Variants in CLASP1 observed in about 807,000 individuals in gnomAD.
The protein encoded by CLASP1 is cytoplasmic linker associated protein 1, also known as CLIP-associating protein 1.
CLASP1 carries 38 observed loss-of-function variants against 192.3 expected under a neutral mutation model. The observed-to-expected ratio is 0.20, with a 90% confidence interval of 0.15 to 0.26. The LOEUF is 0.26. Among genes scored for constraint, CLASP1 ranks in the 10% least tolerant of loss-of-function variants. CLASP1 has a pLI of 1.00. For synonymous variants in CLASP1, 691 were observed against 712.8 expected (o/e 0.97, Z 0.49); for missense variants, 1,433 against 1,932.5 (o/e 0.74, Z 4.85).
chr2:121,355,267 C>T (rs1399148995), intron 37 of CLASP1, among the ~76,000 whole-genome samples: 1 of 152,166 alleles, frequency 6.6e-6, no homozygotes, highest in Non-Finnish European at 1.5e-5. Context: ...GCTGGGACTA[C>T]AGGCGCACAC....
chr2:121,562,050 G>A (rs1346435324), intron 2 of CLASP1, among the ~76,000 whole-genome samples: 2 of 152,250 alleles, frequency 1.3e-5, no homozygotes, highest in African/African-American at 4.8e-5. Flanking sequence ...GAGATGAAAT[G>A]TTTTACTTCT....
chr2:121,387,413 T>C lies in CLASP1; in HGVS notation c.3268-185A>G, dbSNP rs538037315. The stretch of plus-strand genomic sequence containing the variant: ...ATAAACCAAAAATGAATAATCATCA[T>C]ACAAGCACTCCTGGAGTCAAATGAT... On this transcript the variant is annotated intron_variant, in intron 31 of 39. Transcript: ENST00000263710. Among the ~76,000 whole-genome samples, 7 of 152,188 alleles carry C rather than the reference T, an allele frequency of 4.6e-5. No individual in the cohort carries two copies. The East Asian group carries it at 7.7e-4, about 17-fold the overall frequency.
At chr2:121,572,737 A>AAT (rs1433913670) in intron 2 of CLASP1, among the ~76,000 whole-genome samples, 1 of 149,646 alleles carries the variant, frequency 6.7e-6, no homozygotes, top group Non-Finnish European at 1.5e-5. Flanking sequence ...TTCTACCAAA[A>AAT]ATATATATAT....
chr2:121,467,723 A>T (rs2089929357), intron 9 of CLASP1, among the ~76,000 whole-genome samples: 1 of 151,994 alleles, frequency 6.6e-6, no homozygotes, highest in South Asian at 2.1e-4. Context: ...AGATTGCAAA[A>T]TTTTTCTCCC....
At chr2:121,385,979 C>A (rs2073096046) in intron 32 of CLASP1, among the ~76,000 whole-genome samples, 1 of 152,108 alleles carries the variant, frequency 6.6e-6, no homozygotes, top group South Asian at 2.1e-4. Flanking sequence ...GAATATAGTG[C>A]AGAGGGAAAC....
At chr2:121,431,718 C>G (rs189110759) in intron 19 of CLASP1, among the ~76,000 whole-genome samples, 82 of 151,796 alleles carry the variant, frequency 5.4e-4, no homozygotes, top group Admixed American at 4.9e-3. Context: ...GTAACATGAT[C>G]CTAAACCCAG....
intron 1 of CLASP1, among the ~76,000 whole-genome samples, chr2:121,624,831 A>G (rs2068021868): frequency 6.6e-6 from 1 of 152,204 alleles, no homozygotes; most frequent in African/African-American, 2.4e-5. Flanking sequence ...GTACATTCAC[A>G]TTGTTTGCAA....
In CLASP1 at chr2:121,411,991, T is replaced by C. The variant is rs548740486; in HGVS notation, c.2321-1022A>G. On this transcript the variant is annotated intron_variant, in intron 23 of 39. Transcript: ENST00000263710. ...TTCGTTTGGACAACGAAAATCTCTA[T>C]GTTAGCTATATTCTGGAAGCATCTA... is the stretch of plus-strand genomic sequence containing the variant. 1.6e-4 allele frequency among the ~76,000 whole-genome samples: 25 copies of C among 152,330 alleles called. No homozygotes were observed. The East Asian group carries it at 4.2e-3, about 26-fold the overall frequency.
intron 2 of CLASP1, chr2:121,530,798 T>C: frequency 3.3e-6 from 2 of 607,250 alleles, no homozygotes; most frequent in Non-Finnish European, 6.0e-6. Context: ...CCAGACCGAC[T>C]AGGGCGAGGC....
intron 8 of CLASP1, among the ~76,000 whole-genome samples, chr2:121,489,775 A>G (rs1048757292): frequency 6.6e-6 from 1 of 152,198 alleles, no homozygotes; most frequent in Non-Finnish European, 1.5e-5. Context: ...TAAAAATGCA[A>G]ATCTTTTAAA....
At chr2:121,559,345 G>T (rs1357596978) in intron 2 of CLASP1, among the ~76,000 whole-genome samples, 1 of 151,918 alleles carries the variant, frequency 6.6e-6, no homozygotes. Context: ...TCAGCTCCTA[G>T]GTATATACCC....
chr2:121,555,024 G>C (rs2058411661), intron 2 of CLASP1, among the ~76,000 whole-genome samples: 1 of 152,198 alleles, frequency 6.6e-6, no homozygotes, highest in Admixed American at 6.5e-5. Context: ...ATCGGCTGTT[G>C]TGGAAGAAAG....
At chr2:121,481,855 C>A (rs563259796) in intron 8 of CLASP1, among the ~76,000 whole-genome samples, 2 of 152,168 alleles carry the variant, frequency 1.3e-5, no homozygotes, top group Non-Finnish European at 2.9e-5. Flanking sequence ...TTGTTGGGAG[C>A]TGGGATGCAG....
intron 23 of CLASP1, among the ~76,000 whole-genome samples, chr2:121,415,624 C>T (rs773427992): frequency 8.5e-5 from 13 of 152,092 alleles, no homozygotes; most frequent in Admixed American, 1.3e-4. Flanking sequence ...TACGGCTTTT[C>T]GTTAACCTCA....
chr2:121,491,429 G>A (rs376881401), intron 8 of CLASP1, among the ~76,000 whole-genome samples: 14 of 152,146 alleles, frequency 9.2e-5, no homozygotes, highest in African/African-American at 2.9e-4. Flanking sequence ...CATGGGCCTC[G>A]CTTCAATCAA....
intron 1 of CLASP1, among the ~76,000 whole-genome samples, chr2:121,637,237 C>T (rs1463259096): frequency 6.6e-6 from 1 of 152,132 alleles, no homozygotes; most frequent in Admixed American, 6.6e-5. Context: ...ACATCCACAT[C>T]TCCTGTTTTG....
At position 121,384,334 on chromosome 2, in the gene CLASP1, A is replaced by AC. The variant is rs2072690242; in HGVS notation, c.3375-2011_3375-2010insG. ...CTTCCAAGTAGCTGAGAACACAGGT[A>AC]TGTGCCACCATGTCCAGCTAATTTT... On this transcript the variant is annotated intron_variant, in intron 32 of 39. Transcript: ENST00000263710. 1.3e-5 allele frequency among the ~76,000 whole-genome samples: 2 copies of AC among 151,838 alleles called. 1 individual carries two copies. The highest frequency in any genetic ancestry group is 1.3e-4 in the Admixed American group (2 of 15,224).
intron 2 of CLASP1, among the ~76,000 whole-genome samples, chr2:121,559,894 T>TCATCATCATC (rs1559613899): frequency 1.6e-4 from 25 of 151,702 alleles, no homozygotes; most frequent in African/African-American, 5.8e-4. Flanking sequence ...TCATCATCAT[T>TCATCATCATC]ATCATCATCA....
At chr2:121,400,048 A>G (rs2075921158) in intron 28 of CLASP1, among the ~76,000 whole-genome samples, 1 of 152,172 alleles carries the variant, frequency 6.6e-6, no homozygotes, top group African/African-American at 2.4e-5. Flanking sequence ...ATACCAGCTT[A>G]TCAGCCTAGC....
Sources: allele counts gnomAD v4.1 joint callset (sites outside exome capture counted in the v4.1 genomes callset), GRCh38; gene constraint gnomAD v4.1.1; transcripts MANE v1.5; gene names NCBI Gene and HGNC (gene_info 2026-07-23, HGNC 2026-07-21).